UNC80: variants seen among roughly 807,000 people sequenced by gnomAD.
UNC80 encodes protein unc-80 homolog.
UNC80 carries 164 observed loss-of-function variants against 384.6 expected under a neutral mutation model. The ratio of observed to expected loss-of-function variants is 0.43; its 90% CI spans 0.38 to 0.49. The LOEUF (loss-of-function observed/expected upper bound fraction) is 0.49, where lower values mean the gene tolerates loss of function less well. Among genes scored for constraint, UNC80 ranks in the 20% least tolerant of loss-of-function variants. The pLI is 0.00. For synonymous variants in UNC80, 1,486 were observed against 1,527.8 expected, an observed-to-expected ratio of 0.97 and a Z score of 0.64; for missense variants, 3,330 against 4,143.0, an observed-to-expected ratio of 0.80 and a Z score of 5.39.
At chr2:209,946,012 T>C in intron 47 of UNC80, 69 bp downstream of exon 47, 2 of 1,103,908 alleles carry the variant, frequency 1.8e-6, no homozygotes, top group East Asian at 5.2e-5. Context: ...ATTGAATGAA[T>C]ACAAAGGTTA....
At chr2:209,776,091 T>C (rs1224245700) in intron 3 of UNC80, 46 bp downstream of exon 3, 1 of 1,611,100 alleles carries the variant, frequency 6.2e-7, no homozygotes, top group South Asian at 1.1e-5. Context: ...TTGCCCTTTG[T>C]GTTCAACACT....
At chr2:209,951,404 T>G (rs2092179979) in intron 47 of UNC80, 1 of 151,700 alleles carries the variant, frequency 6.6e-6, no homozygotes, top group South Asian at 2.1e-4. Context: ...TTCAAGCAGT[T>G]CTCCTCCCTC....
chr2:209,946,298 C>T (rs1160740157), intron 47 of UNC80, among the ~76,000 whole-genome samples: 4 of 150,596 alleles, frequency 2.7e-5, no homozygotes, highest in African/African-American at 4.9e-5. Context: ...TAATCCCAGG[C>T]GGTCAAGGCT....
intron 15 of UNC80, among the ~76,000 whole-genome samples, chr2:209,830,981 G>A (rs534209174): frequency 6.6e-6 from 1 of 152,210 alleles, no homozygotes; most frequent in East Asian, 1.9e-4. Context: ...TACCTGGTTG[G>A]CCCCACCTTA....
intron 6 of UNC80, among the ~76,000 whole-genome samples, chr2:209,793,128 T>C (rs1379066766): frequency 6.6e-6 from 1 of 152,226 alleles, no homozygotes; most frequent in African/African-American, 2.4e-5. Flanking sequence ...TGGAAAAATA[T>C]CTCACATCAC....
At position 209,849,428 on chromosome 2, in the gene UNC80, CCACCATGG is replaced by C; in HGVS notation, c.3455-17_3455-10del. Reference sequence around the variant, plus strand: ...TTTACGTTCTCTCTCTTTCATTCCTCCACCATGGCACCACCTTTACAGGTTGCCACAGT... The same window carrying C: ...TTTACGTTCTCTCTCTTTCATTCCTCCACCACCTTTACAGGTTGCCACAGT... On this transcript the variant is annotated splice_polypyrimidine_tract_variant and intron_variant, in intron 21 of 64. Coordinates refer to ENST00000673920, the MANE Select transcript of UNC80 (RefSeq NM_001371986.1). 1 of 1,550,212 alleles carries C rather than the reference CCACCATGG, an allele frequency of 6.5e-7. No individual in the cohort carries two copies. The highest frequency in any genetic ancestry group is 2.4e-5 in the East Asian group (1 of 40,906).
intron 58 of UNC80, 66 bp downstream of exon 58, chr2:209,977,144 C>T: frequency 2.9e-6 from 4 of 1,396,756 alleles, no homozygotes; most frequent in African/African-American, 1.4e-5. Context: ...CAAAGAATCC[C>T]TCTGTCCAGG....
At chr2:209,916,761 C>A (rs2089574421) in intron 31 of UNC80, among the ~76,000 whole-genome samples, 1 of 152,180 alleles carries the variant, frequency 6.6e-6, no homozygotes, top group African/African-American at 2.4e-5. Flanking sequence ...GGAAACCAAA[C>A]CCAGATTTTC....
intron 18 of UNC80, among the ~76,000 whole-genome samples, chr2:209,838,272 AC>A (rs2081483698): frequency 7.9e-6 from 1 of 126,868 alleles, no homozygotes; most frequent in South Asian, 3.0e-4. Flanking sequence ...CCCACCCCGC[AC>A]CCCTCATGAA....
chr2:209,820,177 A>T, intron 12 of UNC80, 134 bp from the exon 13 acceptor site: 4 of 1,299,624 alleles, frequency 3.1e-6, no homozygotes, highest in Non-Finnish European at 4.0e-6. Flanking sequence ...GGAAAATTTG[A>T]CAGTTGTCTA....
chr2:209,929,965 T>C lies in UNC80; in HGVS notation c.5901T>C (p.Asn1967=), dbSNP rs2090723335. The C allele has an allele frequency of 1.3e-6, 2 of 1,531,908 alleles. No homozygotes were observed. The highest frequency in any genetic ancestry group is 2.2e-5 in the Admixed American group (1 of 45,436). The allele number at this position is 1,531,908 out of a possible 1,614,324, so 94.9% of individuals were successfully genotyped here. Residue 1967 remains asparagine (N), a synonymous_variant, in exon 37 of 65, where the codon AAT becomes AAC. Coordinates refer to ENST00000673920, the MANE Select transcript of UNC80 (RefSeq NM_001371986.1). ...TTCTGGAAAAACTGACCATCAGCAA[T>C]AGACAAGTAAATTCCTCTTCCTTTT... ...RHFLEKLTIS[N]RQDELMYMLR...
At chr2:209,993,503 C>A in intron 63 of UNC80, 77 bp downstream of exon 63, 1 of 1,266,016 alleles carries the variant, frequency 7.9e-7, no homozygotes, top group Non-Finnish European at 1.1e-6. Flanking sequence ...CTTACAAAAA[C>A]CAAGCTGATG....
chr2:209,776,063 C>G lies in UNC80; in HGVS notation c.298+18C>G. The G allele has an allele frequency of 6.2e-7, 1 of 1,613,808 alleles. No homozygotes were observed. Among genetic ancestry groups the G allele is most frequent in the Non-Finnish European group, 8.5e-7 (1 of 1,179,818 alleles). On this transcript the variant is annotated intron_variant, in intron 3 of 64. Transcript: ENST00000673920. ...CAAGCTAGGTTGGTGCCCCGCATTA[C>G]TTCTTTATTGCATGTGATTGCCCTT...
chr2:209,801,173 A>G (rs555034615), intron 7 of UNC80, among the ~76,000 whole-genome samples: 51 of 152,130 alleles, frequency 3.4e-4, no homozygotes, highest in Non-Finnish European at 6.5e-4. Context: ...TCCCACTATT[A>G]CTGTTTGGGA....
At chr2:209,833,789 C>T (rs369046343) in intron 16 of UNC80, among the ~76,000 whole-genome samples, 1 of 152,066 alleles carries the variant, frequency 6.6e-6, no homozygotes, top group African/African-American at 2.4e-5. Context: ...TTTTTTATAC[C>T]AAGGATGACC....
chr2:209,892,486 A>G (rs902747566), intron 26 of UNC80, among the ~76,000 whole-genome samples: 1 of 152,144 alleles, frequency 6.6e-6, no homozygotes, highest in African/African-American at 2.4e-5. Flanking sequence ...TCTGAACTGT[A>G]ATTTTTCAGT....
At chr2:209,862,525 T>C (rs898025082) in intron 22 of UNC80, among the ~76,000 whole-genome samples, 2 of 152,122 alleles carry the variant, frequency 1.3e-5, no homozygotes, top group African/African-American at 4.8e-5. Flanking sequence ...GGCATATATA[T>C]TTAGGATAGT....
chr2:209,910,663 T>TC (rs2088820262), intron 29 of UNC80, among the ~76,000 whole-genome samples: 1 of 150,786 alleles, frequency 6.6e-6, no homozygotes, highest in South Asian at 2.1e-4. Context: ...TTTTTTTTTT[T>TC]TTTTTTTGGT....
intron 31 of UNC80, among the ~76,000 whole-genome samples, chr2:209,917,185 T>C (rs895005516): frequency 1.3e-5 from 2 of 152,238 alleles, no homozygotes; most frequent in African/African-American, 4.8e-5. Flanking sequence ...ATAAAGTGTA[T>C]TTATAAAGCT....
Sources: gnomAD v4.1 joint callset for allele counts (sites outside exome capture counted in the v4.1 genomes callset) on GRCh38, gnomAD v4.1.1 for gene constraint, MANE v1.5 for transcripts, NCBI Gene and HGNC (gene_info 2026-07-23, HGNC 2026-07-21) for gene names.